Variants in TNNI3 observed in about 807,000 individuals in gnomAD.
TNNI3 encodes the protein troponin I, cardiac muscle.
TNNI3 carries 23 observed loss-of-function variants against 31.5 expected under a neutral mutation model. The ratio of observed to expected loss-of-function variants is 0.73; its 90% CI spans 0.52 to 1.03. TNNI3 has a LOEUF of 1.03. TNNI3 is among the 50% of genes least tolerant of loss of function. TNNI3 has a pLI of 0.00. For synonymous variants in TNNI3, 120 were observed against 111.7 expected (o/e 1.07, Z -0.47); for missense variants, 236 against 282.9 (o/e 0.83, Z 1.19).
rs771456864 is a variant in TNNI3 at position 55,157,686 on chromosome 19, G to A, written c.-97C>T. 6.9e-7 allele frequency: 1 copy of A among 1,455,418 alleles called. No individual in the cohort carries two copies. The highest frequency in any genetic ancestry group is 1.2e-5 in the South Asian group (1 of 86,116). The allele number at this position is 1,455,418 out of a possible 1,614,324, so 90.2% of individuals were successfully genotyped here. On this transcript the variant is annotated 5_prime_UTR_variant, in exon 1 of 8. Transcript: ENST00000344887. The surrounding 1 kb of genome is among the most constrained non-coding windows in gnomAD (Gnocchi z 6.3). ...CGCCCGGGTGACCTTCAGGGTCCCA[G>A]GGACCGTCAGTCTCCTCCGGGCTGC...
Position 55,151,929 on chromosome 19 carries a change from C to T in TNNI3, c.550-12G>A, listed in dbSNP as rs754944128. On this transcript the variant is annotated splice_polypyrimidine_tract_variant and intron_variant, in intron 7 of 7. Coordinates refer to ENST00000344887, the MANE Select transcript of TNNI3 (RefSeq NM_000363.5). The stretch of plus-strand genomic sequence containing the variant: ...ACCTCCCGGTTTTCCTGGAGGATGG[C>T]GATGAGTCAGAGGTTAGGGTCTCTT... 1.4e-5 allele frequency: 23 copies of T among 1,613,282 alleles called. No individual in the cohort carries two copies. Among genetic ancestry groups the T allele is most frequent in the East Asian group, 4.5e-5 (2 of 44,834 alleles).
rs779386628 is a variant in TNNI3, at chr19:55,156,393, G to A, written c.151-61C>T. 27 of 1,571,784 alleles carry A rather than the reference G, an allele frequency of 1.7e-5. No individual in the cohort carries two copies. In the East Asian group the frequency reaches 2.1e-4, roughly 12 times the overall value. Reference sequence around the variant, plus strand: ...GGGCTTCAGGATAAAGACCAGGCGTGGGGAACCGCCTCTGCCCTTCTAAAC... The same window carrying A: ...GGGCTTCAGGATAAAGACCAGGCGTAGGGAACCGCCTCTGCCCTTCTAAAC... On this transcript the variant is annotated intron_variant, in intron 4 of 7. Coordinates refer to ENST00000344887, the MANE Select transcript of TNNI3 (RefSeq NM_000363.5). The surrounding 1 kb of genome is among the most constrained non-coding windows in gnomAD (Gnocchi z 4.6).
At position 55,156,506 on chromosome 19, in the gene TNNI3, C is replaced by T; in HGVS notation, c.150+97G>A. On this transcript the variant is annotated intron_variant, in intron 4 of 7. Coordinates refer to ENST00000344887, the MANE Select transcript of TNNI3 (RefSeq NM_000363.5). The surrounding 1 kb of genome is among the most constrained non-coding windows in gnomAD (Gnocchi z 4.6). ...AGCCACGCCCCGAGCGGCCAAACCC[C>T]GCCCACTTCCGCCCACCTACCCCGA... 4 of 1,523,770 alleles carry T rather than the reference C, an allele frequency of 2.6e-6. No homozygotes were observed. In the South Asian group the frequency reaches 3.6e-5, roughly 14 times the overall value. The allele number at this position is 1,523,770 out of a possible 1,614,324, so 94.4% of individuals were successfully genotyped here. A position where few individuals can be genotyped will look rare whatever the true frequency, so the allele number is the denominator to read the frequency against.
chr19:55,156,871 A>T lies in TNNI3; in HGVS notation c.108+179T>A. The stretch of plus-strand genomic sequence containing the variant: ...TCTATCCCTAAGCAAGTCCGAGGGC[A>T]ACGGAGTTCCGCCCGCAGGCTGCTG... On this transcript the variant is annotated intron_variant, in intron 3 of 7. Coordinates refer to ENST00000344887, the MANE Select transcript of TNNI3 (RefSeq NM_000363.5). This position sits in a 1 kb window ranked among gnomAD's most constrained non-coding sequence, Gnocchi z 4.6. The T allele has an allele frequency of 1.1e-6, 1 of 879,048 alleles. No homozygotes were observed. The allele number at this position is 879,048 out of a possible 1,614,324, so 54.5% of individuals were successfully genotyped here.
In TNNI3 at chr19:55,156,757, G is replaced by A. The variant is rs1165512579; in HGVS notation, c.109-113C>T. ...CCAGCCGGTCCAGATTTGGGCCCACGTCCAACTTGAGCCCTGAGTCTACGG... is the reference window on the plus strand; with the variant it reads ...CCAGCCGGTCCAGATTTGGGCCCACATCCAACTTGAGCCCTGAGTCTACGG... On this transcript the variant is annotated intron_variant, in intron 3 of 7. Coordinates refer to ENST00000344887, the MANE Select transcript of TNNI3 (RefSeq NM_000363.5). The surrounding 1 kb of genome is among the most constrained non-coding windows in gnomAD (Gnocchi z 4.6). The A allele has an allele frequency of 1.6e-6, 2 of 1,239,730 alleles. No homozygotes were observed. Among genetic ancestry groups the A allele is most frequent in the African/African-American group, 3.0e-5 (2 of 66,698 alleles). 76.8% of individuals were successfully genotyped at this position (1,239,730 alleles called of 1,614,324 possible).
Position 55,152,004 on chromosome 19 carries a change from G to T in TNNI3, c.550-87C>A. The T allele has an allele frequency of 8.1e-7, 1 of 1,231,690 alleles. No homozygotes were observed. The highest frequency in any genetic ancestry group is 1.2e-6 in the Non-Finnish European group (1 of 843,218). 76.3% of individuals were successfully genotyped at this position (1,231,690 alleles called of 1,614,324 possible). A position where few individuals can be genotyped will look rare whatever the true frequency, so the allele number is the denominator to read the frequency against. On this transcript the variant is annotated intron_variant, in intron 7 of 7. Coordinates refer to ENST00000344887, the MANE Select transcript of TNNI3 (RefSeq NM_000363.5). This position sits in a 1 kb window ranked among gnomAD's most constrained non-coding sequence, Gnocchi z 4.0. ...CCCTGTCTTCCCTCCAGCCTGTGGG[G>T]CCACTCTACCCTGGATGCCTAAGTA...
In TNNI3 at chr19:55,154,790, T is replaced by C; in HGVS notation, c.323A>G (p.Asp108Gly). 6.2e-7 allele frequency: 1 copy of C among 1,614,204 alleles called. No homozygotes were observed. The highest frequency in any genetic ancestry group is 8.5e-7 in the Non-Finnish European group (1 of 1,180,016). The part of the protein sequence containing the change: ...RQLHARVDKV[D>G]EERYDIEAKV... ...TGCCTCTATGTCGTATCTCTCTTCA[T>C]CCACCTTGTCCACACGGGCGTGGAG... The change falls in exon 6 of 8, where the codon GAT becomes GGT. Residue 108 changes from aspartate (D) to glycine (G), a missense_variant. By Grantham distance (94) the Asp-to-Gly change is moderately conservative. Coordinates refer to ENST00000344887, the MANE Select transcript of TNNI3 (RefSeq NM_000363.5).
Position 55,157,332 on chromosome 19 carries a change from G to A in TNNI3, c.12-24C>T, listed in dbSNP as rs370642749. The A allele has an allele frequency of 4.5e-5, 73 of 1,604,576 alleles. No homozygotes were observed. Among genetic ancestry groups the A allele is most frequent in the Middle Eastern group, 1.7e-4 (1 of 6,048 alleles). ...TCCTGGAAGGAGAGAAACCAAGGAG[G>A]GGGGTTAGTGGTGGGCTGTGTCCTG... On this transcript the variant is annotated intron_variant, in intron 1 of 7. Transcript: ENST00000344887. The surrounding 1 kb of genome is among the most constrained non-coding windows in gnomAD (Gnocchi z 6.3).
Position 55,156,992 on chromosome 19 carries a change from C to A in TNNI3, c.108+58G>T. 6.5e-7 allele frequency: 1 copy of A among 1,530,816 alleles called. No individual in the cohort carries two copies. 94.8% of individuals were successfully genotyped at this position (1,530,816 alleles called of 1,614,324 possible). On this transcript the variant is annotated intron_variant, in intron 3 of 7. Coordinates refer to ENST00000344887, the MANE Select transcript of TNNI3 (RefSeq NM_000363.5). The surrounding 1 kb of genome is among the most constrained non-coding windows in gnomAD (Gnocchi z 4.6). ...CGCAGCCCTGGCTCCTCCCCCCACT[C>A]CCAGGGTCTTGGATCCCTCCGGCGC...
chr19:55,156,664 C>G lies in TNNI3; in HGVS notation c.109-20G>C, dbSNP rs1555864156. The G allele has an allele frequency of 3.2e-6, 5 of 1,561,118 alleles. No individual in the cohort carries two copies. Among genetic ancestry groups the G allele is most frequent in the Non-Finnish European group, 4.3e-6 (5 of 1,151,108 alleles). On this transcript the variant is annotated intron_variant, in intron 3 of 7. Transcript: ENST00000344887. The surrounding 1 kb of genome is among the most constrained non-coding windows in gnomAD (Gnocchi z 4.6). ...TTTTTTCTGCCAGGGTGAGATGGAG[C>G]AAGGAAGGATCATGGAGGGGGATTC... is the stretch of plus-strand genomic sequence containing the variant.
Position 55,157,485 on chromosome 19 carries a change from C to T in TNNI3, c.11+94G>A. 1.3e-6 allele frequency: 2 copies of T among 1,586,928 alleles called. No individual in the cohort carries two copies. Among genetic ancestry groups the T allele is most frequent in the South Asian group, 2.2e-5 (2 of 89,394 alleles). On this transcript the variant is annotated intron_variant, in intron 1 of 7. Coordinates refer to ENST00000344887, the MANE Select transcript of TNNI3 (RefSeq NM_000363.5). The surrounding 1 kb of genome is among the most constrained non-coding windows in gnomAD (Gnocchi z 6.3). ...CTTCACCCAAGAGTCCCTACGCCTA[C>T]CTCGCAGGCCAAGGGTCCAGCCTCT...
chr19:55,156,881 C>G lies in TNNI3; in HGVS notation c.108+169G>C. The G allele has an allele frequency of 1.1e-6, 1 of 915,220 alleles. No individual in the cohort carries two copies. The allele number at this position is 915,220 out of a possible 1,614,324, so 56.7% of individuals were successfully genotyped here. On this transcript the variant is annotated intron_variant, in intron 3 of 7. Transcript: ENST00000344887. This position sits in a 1 kb window ranked among gnomAD's most constrained non-coding sequence, Gnocchi z 4.6. ...AGCAAGTCCGAGGGCAACGGAGTTC[C>G]GCCCGCAGGCTGCTGTCACCAATCC...
chr19:55,154,242 C>T, intron 6 of TNNI3, 36 bp from the exon 7 acceptor site: 2 of 1,600,054 alleles, frequency 1.2e-6, no homozygotes, highest in Non-Finnish European at 1.7e-6. Context: ...CTTCTCCTTC[C>T]ATTTCCCGCA....
chr19:55,156,923 A>T lies in TNNI3; in HGVS notation c.108+127T>A. The T allele has an allele frequency of 8.6e-7, 1 of 1,158,386 alleles. No individual in the cohort carries two copies. The highest frequency in any genetic ancestry group is 1.2e-6 in the Non-Finnish European group (1 of 803,640). 71.8% of individuals were successfully genotyped at this position (1,158,386 alleles called of 1,614,324 possible). ...CACCAATCCGAGCATGACCCTCTGC[A>T]AAACTCCGCCCCTGAAGCCCCTCCG... On this transcript the variant is annotated intron_variant, in intron 3 of 7. Coordinates refer to ENST00000344887, the MANE Select transcript of TNNI3 (RefSeq NM_000363.5). This position sits in a 1 kb window ranked among gnomAD's most constrained non-coding sequence, Gnocchi z 4.6.
Position 55,152,021 on chromosome 19 carries a change from G to T in TNNI3, c.550-104C>A. On this transcript the variant is annotated intron_variant, in intron 7 of 7. Coordinates refer to ENST00000344887, the MANE Select transcript of TNNI3 (RefSeq NM_000363.5). This position sits in a 1 kb window ranked among gnomAD's most constrained non-coding sequence, Gnocchi z 4.0. ...CCTGTGGGGCCACTCTACCCTGGATGCCTAAGTATCTAGTTCTGGAGCACT... is the reference window on the plus strand; with the variant it reads ...CCTGTGGGGCCACTCTACCCTGGATTCCTAAGTATCTAGTTCTGGAGCACT... The T allele has an allele frequency of 9.9e-7, 1 of 1,013,482 alleles. No homozygotes were observed. Among genetic ancestry groups the T allele is most frequent in the Non-Finnish European group, 1.5e-6 (1 of 651,774 alleles). 62.8% of individuals were successfully genotyped at this position (1,013,482 alleles called of 1,614,324 possible).
chr19:55,154,857 T>C, intron 5 of TNNI3, 27 bp from the exon 6 acceptor site: 1 of 1,609,934 alleles, frequency 6.2e-7, no homozygotes, highest in Non-Finnish European at 8.5e-7. Context: ...GTGTGTGTTG[T>C]TGGGGGAACC....
chr19:55,157,650 A>G lies in TNNI3; in HGVS notation c.-61T>C. The G allele has an allele frequency of 6.2e-7, 1 of 1,609,408 alleles. No homozygotes were observed. The highest frequency in any genetic ancestry group is 8.5e-7 in the Non-Finnish European group (1 of 1,177,006). On this transcript the variant is annotated 5_prime_UTR_variant, in exon 1 of 8. Coordinates refer to ENST00000344887, the MANE Select transcript of TNNI3 (RefSeq NM_000363.5). This position sits in a 1 kb window ranked among gnomAD's most constrained non-coding sequence, Gnocchi z 6.3. ...CGAGGACAGGGGCGTTTGGAGGGTCAGTGAGGGGGCCGCCCGGGTGACCTT... is the reference window on the plus strand; with the variant it reads ...CGAGGACAGGGGCGTTTGGAGGGTCGGTGAGGGGGCCGCCCGGGTGACCTT...
chr19:55,156,433 T>TA lies in TNNI3; in HGVS notation c.151-102_151-101insT. ...CCCTTCTAAACCCTCCAGTTTGGTC[T>TA]CCACTGTTCCAAGGCCCCGTCCCAC... is the stretch of plus-strand genomic sequence containing the variant. On this transcript the variant is annotated intron_variant, in intron 4 of 7. Coordinates refer to ENST00000344887, the MANE Select transcript of TNNI3 (RefSeq NM_000363.5). The surrounding 1 kb of genome is among the most constrained non-coding windows in gnomAD (Gnocchi z 4.6). 6.6e-7 allele frequency: 1 copy of TA among 1,519,286 alleles called. No homozygotes were observed. The highest frequency in any genetic ancestry group is 2.0e-5 in the Admixed American group (1 of 50,772). The allele number at this position is 1,519,286 out of a possible 1,614,324, so 94.1% of individuals were successfully genotyped here.
chr19:55,157,398 C>CG lies in TNNI3; in HGVS notation c.12-91dup. ...CTGGAGTCCCCTCTGAACAAGAGGT[C>CG]GGGGGACCGCGCTTCCCCTTCCTTG... On this transcript the variant is annotated intron_variant, in intron 1 of 7. Transcript: ENST00000344887. This position sits in a 1 kb window ranked among gnomAD's most constrained non-coding sequence, Gnocchi z 6.3. The CG allele has an allele frequency of 6.2e-7, 1 of 1,601,904 alleles. No individual in the cohort carries two copies. The highest frequency in any genetic ancestry group is 1.7e-4 in the Middle Eastern group (1 of 6,024).
Sources: gnomAD v4.1 joint callset for allele counts on GRCh38, gnomAD v4.1.1 for gene constraint, Gnocchi (gnomAD v3.1) non-coding constraint, MANE v1.5 for transcripts, NCBI Gene and HGNC (gene_info 2026-07-23, HGNC 2026-07-21) for gene names.